The following STING1 variants were observed in gnomAD, a reference collection of about 807,000 sequenced individuals.
STING1 encodes stimulator of interferon genes protein.
STING1 carries 19 observed loss-of-function variants against 31.6 expected under a neutral mutation model. That is an observed-to-expected ratio of 0.60 (90% CI 0.42 to 0.88). STING1 has a LOEUF of 0.88. Ranked by LOEUF, STING1 falls within the 40% of genes least tolerant of loss-of-function variation. The probability of loss-of-function intolerance (pLI) is 0.00; values close to 1 mark genes in which losing one functional copy is unlikely to be tolerated. For synonymous variants in STING1, 200 were observed against 208.6 expected (o/e 0.96, Z 0.35); for missense variants, 371 against 483.7 (o/e 0.77, Z 2.19).
At position 139,480,655 on chromosome 5, in the gene STING1, G is replaced by A. The variant is rs1751810314; in HGVS notation, c.520+135C>T. The A allele has an allele frequency of 4.7e-6, 3 of 642,396 alleles. No individual in the cohort carries two copies. In the East Asian group the frequency reaches 8.3e-5, roughly 18 times the overall value. 39.8% of individuals were successfully genotyped at this position (642,396 alleles called of 1,614,324 possible). A position where few individuals can be genotyped will look rare whatever the true frequency, so the allele number is the denominator to read the frequency against. ...ATCATAGCAACATCCTTCATGCCTT[G>A]GGATTAAAGGATTTGGTAGACATGA... On this transcript the variant is annotated intron_variant, in intron 5 of 7. Coordinates refer to ENST00000330794, the MANE Select transcript of STING1 (RefSeq NM_198282.4).
At position 139,481,638 on chromosome 5, in the gene STING1, A is replaced by G. The variant is rs1240507980; in HGVS notation, c.67T>C (p.Leu23=). Residue 23 remains leucine (L), a synonymous_variant, in exon 3 of 8, where the codon TTG becomes CTG. Transcript: ENST00000330794. The surrounding 1 kb of genome is among the most constrained non-coding windows in gnomAD (Gnocchi z 4.1). ...ACCAGGCAGGCACTCAGCAGAACCA[A>G]GGCTGCCTTCTGGGCCCCGTGACCC... ...PRGHGAQKAA[L]VLLSACLVTL... 3.1e-6 allele frequency: 5 copies of G among 1,612,566 alleles called. No individual in the cohort carries two copies. In the South Asian group the frequency reaches 3.3e-5, roughly 11 times the overall value.
Position 139,476,904 on chromosome 5 carries a change from C to CAAA in STING1, c.946+422_946+424dup, listed in dbSNP as rs33961341. On this transcript the variant is annotated intron_variant, in intron 7 of 7. Coordinates refer to ENST00000330794, the MANE Select transcript of STING1 (RefSeq NM_198282.4). ...TGGGCAACAGAGTGAGACTCCATCTCAAAAAAAAAAAAAAAAAGTGATTTC... is the reference window on the plus strand; with the variant it reads ...TGGGCAACAGAGTGAGACTCCATCTCAAAAAAAAAAAAAAAAAAAAGTGATTTC... Among the ~76,000 whole-genome samples, 256 of 118,364 alleles carry CAAA rather than the reference C, an allele frequency of 2.2e-3. 3 individuals are homozygous for CAAA. Among genetic ancestry groups the CAAA allele is most frequent in the African/African-American group, 7.9e-3 (228 of 28,978 alleles). The allele number at this position is 118,364 out of a possible 152,430, so 77.7% of individuals were successfully genotyped here. A position where few individuals can be genotyped will look rare whatever the true frequency, so the allele number is the denominator to read the frequency against.
At chr5:139,477,303 A>T in intron 7 of STING1, 26 bp downstream of exon 7, 1 of 1,609,330 alleles carries the variant, frequency 6.2e-7, no homozygotes. Context: ...CCAGCCTATC[A>T]ACCCCTCACC....
chr5:139,480,131 CAT>C (rs879676759), intron 5 of STING1, among the ~76,000 whole-genome samples: 4 of 151,490 alleles, frequency 2.6e-5, no homozygotes, highest in Non-Finnish European at 4.4e-5. Flanking sequence ...GGCTGGGTAA[CAT>C]AGCAAAACCC....
intron 6 of STING1, among the ~76,000 whole-genome samples, chr5:139,478,006 A>G (rs879178092): frequency 1.3e-5 from 2 of 152,208 alleles, no homozygotes; most frequent in South Asian, 2.1e-4. Context: ...TGGGAATGCT[A>G]ACAGTCCCTA....
chr5:139,476,436 C>A lies in STING1; in HGVS notation c.965G>T (p.Ser322Ile). The change falls in exon 8 of 8, where the codon AGC becomes ATC. Residue 322 changes from serine (S) to isoleucine (I), a missense_variant. Physicochemically the swap from Ser to Ile is moderately radical, Grantham distance 142 (BLOSUM62 -2). Transcript: ENST00000330794. ...IAYQEPADDS[S>I]FSLSQEVLRH... ...GAGAACCTCCTGGGACAGCGAGAAG[C>A]TGCTGTCATCTGCAGGTTCTGGAAC... 6.2e-7 allele frequency: 1 copy of A among 1,612,290 alleles called. No individual in the cohort carries two copies. Among genetic ancestry groups the A allele is most frequent in the Non-Finnish European group, 8.5e-7 (1 of 1,179,952 alleles).
intron 7 of STING1, among the ~76,000 whole-genome samples, chr5:139,476,946 C>T (rs1751679202): frequency 6.6e-6 from 1 of 151,558 alleles, no homozygotes; most frequent in Non-Finnish European, 1.5e-5. Flanking sequence ...AATGAAATTC[C>T]ACCCTCTTAC....
intron 6 of STING1, among the ~76,000 whole-genome samples, chr5:139,477,923 G>C (rs538049043): frequency 6.6e-6 from 1 of 152,122 alleles, no homozygotes; most frequent in South Asian, 2.1e-4. Flanking sequence ...ATGGTCAAGA[G>C]CATGGTACAG....
rs560175279 is a variant in STING1 at position 139,478,014 on chromosome 5, C to T, written c.759+256G>A. Reference sequence around the variant, plus strand: ...TGTAAAGTGGGAATGCTAACAGTCCCTACCCCATAGGGTGGTGGTGAGAAT... The same window carrying T: ...TGTAAAGTGGGAATGCTAACAGTCCTTACCCCATAGGGTGGTGGTGAGAAT... On this transcript the variant is annotated intron_variant, in intron 6 of 7. Coordinates refer to ENST00000330794, the MANE Select transcript of STING1 (RefSeq NM_198282.4). Among the ~76,000 whole-genome samples the T allele has an allele frequency of 1.2e-4, 18 of 152,330 alleles. No individual in the cohort carries two copies. The East Asian group carries it at 3.5e-3, about 29-fold the overall frequency.
At chr5:139,476,857 A>G (rs902967476) in intron 7 of STING1, among the ~76,000 whole-genome samples, 7 of 149,972 alleles carry the variant, frequency 4.7e-5, no homozygotes, top group African/African-American at 1.7e-4. Flanking sequence ...GTGACCCGAA[A>G]TCGAGCCACT....
At position 139,480,880 on chromosome 5, in the gene STING1, T is replaced by C. The variant is rs755245286; in HGVS notation, c.430A>G (p.Ile144Val). 3.1e-6 allele frequency: 5 copies of C among 1,613,740 alleles called. No individual in the cohort carries two copies. Among genetic ancestry groups the C allele is most frequent in the Non-Finnish European group, 4.2e-6 (5 of 1,179,844 alleles). The change falls in exon 5 of 8, where the codon ATC becomes GTC. Residue 144 changes from isoleucine to valine, a missense_variant. Physicochemically the swap from Ile to Val is conservative, Grantham distance 29 (BLOSUM62 3). Transcript: ENST00000330794. ...TTCCCTTTTTCACACACTGCAGAGA[T>C]CTCAGCTGGGGCCAGGCCCTGTGGA... ...LGLKGLAPAE[I>V]SAVCEKGNFN...
Position 139,476,021 on chromosome 5 carries a change from G to A in STING1, c.*240C>T, listed in dbSNP as rs770094466. 6.4e-5 allele frequency: 30 copies of A among 471,128 alleles called. No homozygotes were observed. Among genetic ancestry groups the A allele is most frequent in the African/African-American group, 1.2e-4 (6 of 51,986 alleles). The allele number at this position is 471,128 out of a possible 1,614,324, so 29.2% of individuals were successfully genotyped here. ...CACACACTCAGTCCTCACAACAACC[G>A]TGAGGGAGGTAAGGCAGTGATTATG... On this transcript the variant is annotated 3_prime_UTR_variant, in exon 8 of 8. Transcript: ENST00000330794.
Position 139,481,362 on chromosome 5 carries a change from C to T in STING1, c.228-20G>A. 3 of 1,580,550 alleles carry T rather than the reference C, an allele frequency of 1.9e-6. No individual in the cohort carries two copies. The highest frequency in any genetic ancestry group is 2.6e-6 in the Non-Finnish European group (3 of 1,161,634). ...CGGTACCTGTGAGTGACAGCCAGAC[C>T]CCAGACCCCAGCCCCCAGCCCAGCT... On this transcript the variant is annotated intron_variant, in intron 3 of 7. Coordinates refer to ENST00000330794, the MANE Select transcript of STING1 (RefSeq NM_198282.4). This position sits in a 1 kb window ranked among gnomAD's most constrained non-coding sequence, Gnocchi z 4.1.
In STING1 at chr5:139,481,607, A is replaced by G. The variant is rs1751852945; in HGVS notation, c.98T>C (p.Leu33Pro). 1 of 1,613,610 alleles carries G rather than the reference A, an allele frequency of 6.2e-7. No individual in the cohort carries two copies. ...LVLLSACLVTLWGLGEPPEHT... is the reference protein window; with the variant it reads ...LVLLSACLVTPWGLGEPPEHT... ...CTCTGGTGGCTCTCCTAGCCCCCAAAGGGTCACCAGGCAGGCACTCAGCAG... is the reference window on the plus strand; with the variant it reads ...CTCTGGTGGCTCTCCTAGCCCCCAAGGGGTCACCAGGCAGGCACTCAGCAG... Residue 33 changes from leucine (L) to proline (P), a missense_variant, in exon 3 of 8, where the codon CTT (leucine) becomes CCT (proline). Transcript: ENST00000330794. This position sits in a 1 kb window ranked among gnomAD's most constrained non-coding sequence, Gnocchi z 4.1.
In STING1 at chr5:139,476,292, T is replaced by C. The variant is rs754379042; in HGVS notation, c.1109A>G (p.Lys370Arg). 6.2e-7 allele frequency: 1 copy of C among 1,603,594 alleles called. No individual in the cohort carries two copies. The highest frequency in any genetic ancestry group is 8.5e-7 in the Non-Finnish European group (1 of 1,175,548). Residue 370 changes from lysine to arginine, a missense_variant, in exon 8 of 8, where the codon AAG becomes AGG. Physicochemically the swap from Lys to Arg is conservative, Grantham distance 26 (BLOSUM62 2). Coordinates refer to ENST00000330794, the MANE Select transcript of STING1 (RefSeq NM_198282.4). The part of the protein sequence containing the change: ...EPELLISGME[K>R]PLPLRTDFS ...GAAATCCGTGCGGAGAGGGAGGGGC[T>C]TTTCCATTCCACTGATGAGGAGCTC... is the stretch of plus-strand genomic sequence containing the variant.
chr5:139,476,798 G>A (rs1751673003), intron 7 of STING1, among the ~76,000 whole-genome samples: 1 of 151,908 alleles, frequency 6.6e-6, no homozygotes, highest in Non-Finnish European at 1.5e-5. Flanking sequence ...CCAGCTACTT[G>A]GGAGGCTGAG....
rs769981002 is a variant in STING1, at chr5:139,481,632, G to T, written c.73C>A (p.Leu25Met). 6.2e-7 allele frequency: 1 copy of T among 1,612,722 alleles called. No individual in the cohort carries two copies. Among genetic ancestry groups the T allele is most frequent in the African/African-American group, 1.3e-5 (1 of 74,908 alleles). The change falls in exon 3 of 8, where the codon CTG becomes ATG. Residue 25 changes from leucine (L) to methionine (M), a missense_variant. Transcript: ENST00000330794. This position sits in a 1 kb window ranked among gnomAD's most constrained non-coding sequence, Gnocchi z 4.1. ...AGGGTCACCAGGCAGGCACTCAGCAGAACCAAGGCTGCCTTCTGGGCCCCG... is the reference window on the plus strand; with the variant it reads ...AGGGTCACCAGGCAGGCACTCAGCATAACCAAGGCTGCCTTCTGGGCCCCG... ...GHGAQKAALVLLSACLVTLWG... is the reference protein window; with the variant it reads ...GHGAQKAALVMLSACLVTLWG...
rs139084369 is a variant in STING1 at position 139,477,878 on chromosome 5, C to T, written c.760-363G>A. On this transcript the variant is annotated intron_variant, in intron 6 of 7. Transcript: ENST00000330794. The stretch of plus-strand genomic sequence containing the variant: ...TTCCCCTGCACCCACATGAATCCTT[C>T]AGATGTTCTCACAGCCTTCGTCTGG... Among the ~76,000 whole-genome samples the T allele has an allele frequency of 3.9e-5, 6 of 152,344 alleles. No individual in the cohort carries two copies. In the East Asian group the frequency reaches 1.2e-3, roughly 29 times the overall value.
At position 139,481,434 on chromosome 5, in the gene STING1, G is replaced by C. The variant is rs1706101265; in HGVS notation, c.227+44C>G. The C allele has an allele frequency of 6.2e-7, 1 of 1,600,800 alleles. No individual in the cohort carries two copies. The highest frequency in any genetic ancestry group is 8.5e-7 in the Non-Finnish European group (1 of 1,171,014). On this transcript the variant is annotated intron_variant, in intron 3 of 7. Transcript: ENST00000330794. This position sits in a 1 kb window ranked among gnomAD's most constrained non-coding sequence, Gnocchi z 4.1. ...GGGCAGGGCTAGGCATCAAGGGAGT[G>C]ACACACGTTGGATACCCCGTCCCTG...
Sources: gnomAD v4.1 joint callset for allele counts (sites outside exome capture counted in the v4.1 genomes callset) on GRCh38, gnomAD v4.1.1 for gene constraint, Gnocchi (gnomAD v3.1) non-coding constraint, MANE v1.5 for transcripts, NCBI Gene and HGNC (gene_info 2026-07-23, HGNC 2026-07-21) for gene names.